IARS1: variants seen among roughly 807,000 people sequenced by gnomAD.
IARS1 encodes isoleucyl-tRNA synthetase 1.
A neutral mutation model predicts 168.2 loss-of-function variants in IARS1; 124 were observed. That is an observed-to-expected ratio of 0.74 (90% confidence interval 0.64 to 0.86). The LOEUF is 0.86. Among genes scored for constraint, IARS1 ranks in the 40% least tolerant of loss-of-function variants. The pLI is 0.00. For synonymous variants in IARS1, 532 were observed against 529.4 expected, an observed-to-expected ratio of 1.00 and a Z score of -0.07; for missense variants, 1,452 against 1,515.8, an observed-to-expected ratio of 0.96 and a Z score of 0.70.
intron 9 of IARS1, among the ~76,000 whole-genome samples, chr9:92,277,210 C>A (rs1374780510): frequency 6.6e-6 from 1 of 152,070 alleles, no homozygotes; most frequent in African/African-American, 2.4e-5. Flanking sequence ...TGGCCAGGCA[C>A]GGTGGCTCAC....
chr9:92,222,446 T>C (rs755975496), intron 33 of IARS1, 74 bp downstream of exon 33: 6 of 1,217,158 alleles, frequency 4.9e-6, no homozygotes, highest in Admixed American at 3.8e-5. Context: ...TACATGTATA[T>C]GCTACAAATG....
chr9:92,271,396 ATC>A (rs1233213047), intron 11 of IARS1, 135 bp downstream of exon 11: 2 of 1,087,240 alleles, frequency 1.8e-6, no homozygotes, highest in African/African-American at 1.6e-5. Context: ...AACTGATAAC[ATC>A]TGTCTTTACG....
chr9:92,231,104 T>C (rs1241073217), intron 30 of IARS1, among the ~76,000 whole-genome samples: 2 of 152,216 alleles, frequency 1.3e-5, no homozygotes, highest in Non-Finnish European at 1.5e-5. Context: ...ATATATCACT[T>C]TTCCCTTTTA....
At chr9:92,289,858 C>T (rs1229247367) in intron 1 of IARS1, among the ~76,000 whole-genome samples, 5 of 152,182 alleles carry the variant, frequency 3.3e-5, no homozygotes, top group Non-Finnish European at 7.4e-5. Flanking sequence ...GTTTTCAAGG[C>T]TCATCCATGA....
At chr9:92,269,285 T>C (rs932483524) in intron 13 of IARS1, among the ~76,000 whole-genome samples, 1 of 152,090 alleles carries the variant, frequency 6.6e-6, no homozygotes, top group Admixed American at 6.6e-5. Flanking sequence ...AAGTTAAGAG[T>C]GGTGATTACT....
chr9:92,253,883 T>C (rs754143645), intron 20 of IARS1: 12 of 470,324 alleles, frequency 2.6e-5, no homozygotes. Context: ...ATTCAGATGC[T>C]AAGAGGCACA....
chr9:92,211,965 T>G (rs545217927), intron 33 of IARS1, among the ~76,000 whole-genome samples: 1 of 152,032 alleles, frequency 6.6e-6, no homozygotes, highest in East Asian at 1.9e-4. Context: ...ATACTGAATA[T>G]ACAACTCAAA....
At chr9:92,277,676 A>T (rs770987361) in intron 9 of IARS1, among the ~76,000 whole-genome samples, 187 bp downstream of exon 9, 4,468 of 56,966 alleles carry the variant, frequency 0.078, 187 homozygotes, top group African/African-American at 0.4. Context: ...CCTGTTTTTA[A>T]AAAAAAAAAA....
chr9:92,266,282 GA>G (rs1038582909), intron 14 of IARS1, among the ~76,000 whole-genome samples: 1 of 152,172 alleles, frequency 6.6e-6, no homozygotes, highest in Non-Finnish European at 1.5e-5. Flanking sequence ...CATTAATCTA[GA>G]ATCTTCCCAA....
At position 92,222,368 on chromosome 9, in the gene IARS1, AAAGAAAATTATATT is replaced by A. The variant is rs1370199460; in HGVS notation, c.3706+138_3706+151del. On this transcript the variant is annotated intron_variant, in intron 33 of 33. Transcript: ENST00000443024. ...AAAAAAAAAAAAAAAAAAAAAAAGA[AAAGAAAATTATATT>A]ATGGTAAATTTCTGGGGAAAGAATA... is the stretch of plus-strand genomic sequence containing the variant. The A allele has an allele frequency of 9.6e-6, 5 of 523,046 alleles. No individual in the cohort carries two copies. In the African/African-American group the frequency reaches 9.9e-5, roughly 10 times the overall value. The allele number at this position is 523,046 out of a possible 1,614,324, so 32.4% of individuals were successfully genotyped here. A position where few individuals can be genotyped will look rare whatever the true frequency, so the allele number is the denominator to read the frequency against.
intron 30 of IARS1, among the ~76,000 whole-genome samples, chr9:92,231,140 T>C (rs1826614578): frequency 6.6e-6 from 1 of 152,210 alleles, no homozygotes; most frequent in African/African-American, 2.4e-5. Context: ...GTCAAGGCTT[T>C]AAAACTCTTT....
chr9:92,213,010 C>T (rs550619797), intron 33 of IARS1, among the ~76,000 whole-genome samples: 5 of 151,688 alleles, frequency 3.3e-5, no homozygotes, highest in Non-Finnish European at 7.4e-5. Flanking sequence ...AGAGGGAAAA[C>T]GACAAAGGAG....
intron 3 of IARS1, 58 bp from the exon 4 acceptor site, chr9:92,287,968 G>A: frequency 6.3e-7 from 1 of 1,596,574 alleles, no homozygotes; most frequent in South Asian, 1.1e-5. Context: ...CTGCAACTAT[G>A]CAACTCTAGA....
At position 92,277,878 on chromosome 9, in the gene IARS1, A is replaced by ACTTCCTG; in HGVS notation, c.878_879insCAGGAAG (p.Asp294ArgfsTer3). ...CTAAGCTTACCTTCAGGAAATAGTC[A>ACTTCCTG]AACAGGGGCCTGTACTTCTTGCCTT... On this transcript the variant is annotated frameshift_variant, in exon 9 of 34. Transcript: ENST00000443024. LOFTEE classifies it high-confidence loss of function. 6.2e-7 allele frequency: 1 copy of ACTTCCTG among 1,613,952 alleles called. No homozygotes were observed. The highest frequency in any genetic ancestry group is 8.5e-7 in the Non-Finnish European group (1 of 1,179,924).
intron 23 of IARS1, 109 bp downstream of exon 23, chr9:92,250,604 G>A: frequency 7.9e-7 from 1 of 1,267,546 alleles, no homozygotes; most frequent in Non-Finnish European, 1.1e-6. Context: ...TGGGGCGGGA[G>A]GCAAGGCACA....
chr9:92,225,013 G>A (rs1274317504), intron 31 of IARS1, among the ~76,000 whole-genome samples: 1 of 152,116 alleles, frequency 6.6e-6, no homozygotes. Flanking sequence ...TGCTACAGCT[G>A]CTACTGCGTA....
In IARS1 at chr9:92,243,225, A is replaced by T; in HGVS notation, c.2991T>A (p.Leu997=). 1 of 1,613,056 alleles carries T rather than the reference A, an allele frequency of 6.2e-7. No homozygotes were observed. The highest frequency in any genetic ancestry group is 1.1e-5 in the South Asian group (1 of 91,062). The change falls in exon 28 of 34, where the codon CTT becomes CTA. Residue 997 remains leucine, a synonymous_variant. Transcript: ENST00000443024. The stretch of plus-strand genomic sequence containing the variant: ...TAACTGACAAACTAACCTTTTTGCG[A>T]AGTTTCTGTATGCGATTGATGACTT... ...AREVINRIQK[L]RKKCNLVPTD...
Position 92,264,916 on chromosome 9 carries a change from C to A in IARS1, c.1700+13G>T. ...ATCAATAAAACACGTGATGAAAGAA[C>A]AAGGAGGCATACCATCCTCTGGTTT... On this transcript the variant is annotated intron_variant, in intron 16 of 33. Transcript: ENST00000443024. The A allele has an allele frequency of 6.2e-7, 1 of 1,600,814 alleles. No individual in the cohort carries two copies. Among genetic ancestry groups the A allele is most frequent in the Non-Finnish European group, 8.5e-7 (1 of 1,173,724 alleles).
At chr9:92,212,387 A>G (rs1837904411) in intron 33 of IARS1, among the ~76,000 whole-genome samples, 1 of 152,236 alleles carries the variant, frequency 6.6e-6, no homozygotes, top group South Asian at 2.1e-4. Context: ...TAAACATTTA[A>G]AAGTTCTCAC....
Sources: gnomAD v4.1 joint callset for allele counts (sites outside exome capture counted in the v4.1 genomes callset) on GRCh38, gnomAD v4.1.1 for gene constraint, MANE v1.5 for transcripts, NCBI Gene and HGNC (gene_info 2026-07-23, HGNC 2026-07-21) for gene names.